ZC3H14: variants seen among roughly 807,000 people sequenced by gnomAD.
ZC3H14 encodes zinc finger CCCH domain-containing protein 14.
Under a neutral mutation model 92.4 loss-of-function variants are expected in ZC3H14, and 31 were observed. The ratio of observed to expected loss-of-function variants is 0.34; its 90% CI spans 0.25 to 0.45. ZC3H14 has a LOEUF of 0.45. Ranked by LOEUF, ZC3H14 falls within the 20% of genes least tolerant of loss-of-function variation. The pLI is 1.00. For missense variants in ZC3H14, 781 were observed against 897.3 expected, an observed-to-expected ratio of 0.87 and a Z score of 1.66; for synonymous variants, 321 against 300.9, an observed-to-expected ratio of 1.07 and a Z score of -0.69.
intron 9 of ZC3H14, among the ~76,000 whole-genome samples, chr14:88,593,757 T>C (rs1326305187): frequency 3.9e-5 from 6 of 151,992 alleles, no homozygotes; most frequent in Non-Finnish European, 8.8e-5. Context: ...TTCAAAACTC[T>C]TAGGGAAAAA....
Position 88,614,855 on chromosome 14 carries a change from A to C in ZC3H14, c.*3104A>C, listed in dbSNP as rs1010894475. 3 of 152,182 alleles carry C rather than the reference A, an allele frequency of 2.0e-5. No homozygotes were observed. The highest frequency in any genetic ancestry group is 2.9e-5 in the Non-Finnish European group (2 of 68,026). 9.4% of individuals were successfully genotyped at this position (152,182 alleles called of 1,614,324 possible). A position where few individuals can be genotyped will look rare whatever the true frequency, so the allele number is the denominator to read the frequency against. On this transcript the variant is annotated 3_prime_UTR_variant, in exon 17 of 17. Transcript: ENST00000251038. Reference sequence around the variant, plus strand: ...CTATGGAGTGGCACACATCTAAACAAATTTTCCCAATAGAAAAAAGGCTAT... The same window carrying C: ...CTATGGAGTGGCACACATCTAAACACATTTTCCCAATAGAAAAAAGGCTAT...
intron 9 of ZC3H14, among the ~76,000 whole-genome samples, chr14:88,580,618 A>C (rs1212238071): frequency 6.6e-6 from 1 of 152,244 alleles, no homozygotes; most frequent in Admixed American, 6.5e-5. Context: ...TTTTTATAGT[A>C]GGAATCTCCA....
At position 88,607,399 on chromosome 14, in the gene ZC3H14, G is replaced by GT. The variant is rs749839662; in HGVS notation, c.1868+37dup. The GT allele has an allele frequency of 1.4e-5, 21 of 1,485,912 alleles. No individual in the cohort carries two copies. In the East Asian group the frequency reaches 5.5e-4, roughly 39 times the overall value. The allele number at this position is 1,485,912 out of a possible 1,614,324, so 92.0% of individuals were successfully genotyped here. Reference sequence around the variant, plus strand: ...TCCCCCCATCTCACCCTGCAAGTGAGTACCATCCCCCCATCTCACCCTGCA... The same window carrying GT: ...TCCCCCCATCTCACCCTGCAAGTGAGTTACCATCCCCCCATCTCACCCTGCA... On this transcript the variant is annotated intron_variant, in intron 13 of 16. Coordinates refer to ENST00000251038, the MANE Select transcript of ZC3H14 (RefSeq NM_024824.5).
At chr14:88,573,038 G>A in intron 6 of ZC3H14, 31 bp downstream of exon 6, 1 of 1,611,068 alleles carries the variant, frequency 6.2e-7, no homozygotes, top group South Asian at 1.1e-5. Flanking sequence ...TCTGGCTTAG[G>A]CTAAAAATCG....
At chr14:88,603,390 T>G (rs1479950088) in intron 12 of ZC3H14, among the ~76,000 whole-genome samples, 1 of 152,240 alleles carries the variant, frequency 6.6e-6, no homozygotes, top group African/African-American at 2.4e-5. Flanking sequence ...ACTGCCACTT[T>G]GCCCTTTTAT....
rs1222673285 is a variant in ZC3H14 at position 88,602,996 on chromosome 14, C to T, written c.1683C>T (p.Leu561=). 3.1e-6 allele frequency: 5 copies of T among 1,614,184 alleles called. No homozygotes were observed. Among genetic ancestry groups the T allele is most frequent in the South Asian group, 1.1e-5 (1 of 91,086 alleles). ...CAAACAAGGGACTCAGAGGTCTCCT[C>T]CACCCACAGCAGTTGCACTTGCTGA... ...AASNKGLRGL[L]HPQQLHLLSR... is the part of the protein sequence containing the mutation. The change falls in exon 12 of 17, where the codon CTC becomes CTT. Residue 561 remains leucine, a synonymous_variant. Transcript: ENST00000251038.
At position 88,613,390 on chromosome 14, in the gene ZC3H14, C is replaced by CTA. The variant is rs1449316843; in HGVS notation, c.*1641_*1642dup. On this transcript the variant is annotated 3_prime_UTR_variant, in exon 17 of 17. Transcript: ENST00000251038. ...TTTAAATATCTGGAAATACTTTTAGCTATCATTTATAAAGATAGTTTTGTT... is the reference window on the plus strand; with the variant it reads ...TTTAAATATCTGGAAATACTTTTAGCTATATCATTTATAAAGATAGTTTTGTT... 1 of 151,924 alleles carries CTA rather than the reference C, an allele frequency of 6.6e-6. No individual in the cohort carries two copies. The highest frequency in any genetic ancestry group is 1.5e-5 in the Non-Finnish European group (1 of 68,018). 9.4% of individuals were successfully genotyped at this position (151,924 alleles called of 1,614,324 possible). A position where few individuals can be genotyped will look rare whatever the true frequency, so the allele number is the denominator to read the frequency against.
At position 88,625,569 on chromosome 14, in the gene ZC3H14, T is replaced by C. The variant is rs1484325517; in HGVS notation, c.*13818T>C. On this transcript the variant is annotated 3_prime_UTR_variant, in exon 17 of 17. Coordinates refer to ENST00000251038, the MANE Select transcript of ZC3H14 (RefSeq NM_024824.5). ...AGCGCCAGCCACCACGCCCGGCTAA[T>C]TTTTGTATTTTTAGTAGAGACAGAG... The C allele has an allele frequency of 1.3e-4, 21 of 155,984 alleles. No individual in the cohort carries two copies. The highest frequency in any genetic ancestry group is 1.3e-3 in the Admixed American group (21 of 15,720). 9.7% of individuals were successfully genotyped at this position (155,984 alleles called of 1,614,324 possible).
Position 88,622,098 on chromosome 14 carries a change from T to A in ZC3H14, c.*10347T>A. On this transcript the variant is annotated 3_prime_UTR_variant, in exon 17 of 17. Transcript: ENST00000251038. Reference sequence around the variant, plus strand: ...TCCACCTCTGTGGGATCAACTTTTTTAGTTTCTGCACAGGAGTGAGAACAT... The same window carrying A: ...TCCACCTCTGTGGGATCAACTTTTTAAGTTTCTGCACAGGAGTGAGAACAT... The A allele has an allele frequency of 4.0e-6, 1 of 248,306 alleles. No homozygotes were observed. Among genetic ancestry groups the A allele is most frequent in the Non-Finnish European group, 8.5e-6 (1 of 118,108 alleles). The allele number at this position is 248,306 out of a possible 1,614,324, so 15.4% of individuals were successfully genotyped here.
At chr14:88,609,904 T>G in intron 15 of ZC3H14, 101 bp downstream of exon 15, 2 of 1,266,830 alleles carry the variant, frequency 1.6e-6, no homozygotes, top group Non-Finnish European at 2.3e-6. Flanking sequence ...CAAAAGTAAT[T>G]GCGATTTTTG....
chr14:88,592,975 T>TG (rs1177645541), intron 9 of ZC3H14, among the ~76,000 whole-genome samples: 3 of 151,056 alleles, frequency 2.0e-5, no homozygotes, highest in Non-Finnish European at 4.4e-5. Flanking sequence ...ACTATTCTTT[T>TG]TTTTTTTTTT....
At chr14:88,577,470 T>C (rs1413288847) in intron 8 of ZC3H14, among the ~76,000 whole-genome samples, 1 of 152,234 alleles carries the variant, frequency 6.6e-6, no homozygotes, top group African/African-American at 2.4e-5. Flanking sequence ...TGTTTACATA[T>C]GTTTGGATAA....
At position 88,624,867 on chromosome 14, in the gene ZC3H14, G is replaced by C; in HGVS notation, c.*13116G>C. 7.8e-7 allele frequency: 1 copy of C among 1,284,994 alleles called. No homozygotes were observed. The highest frequency in any genetic ancestry group is 1.6e-5 in the South Asian group (1 of 64,502). 79.6% of individuals were successfully genotyped at this position (1,284,994 alleles called of 1,614,324 possible). A position where few individuals can be genotyped will look rare whatever the true frequency, so the allele number is the denominator to read the frequency against. ...GAGAAGCATATGAGGAGGAAGGTCGGAGAGGACACTCTGTGTAGCCTAGAA... is the reference window on the plus strand; with the variant it reads ...GAGAAGCATATGAGGAGGAAGGTCGCAGAGGACACTCTGTGTAGCCTAGAA... On this transcript the variant is annotated 3_prime_UTR_variant, in exon 17 of 17. Transcript: ENST00000251038.
chr14:88,611,954 TTTG>T lies in ZC3H14; in HGVS notation c.*206_*208del. 3 of 698,518 alleles carry T rather than the reference TTTG, an allele frequency of 4.3e-6. No individual in the cohort carries two copies. Among genetic ancestry groups the T allele is most frequent in the Non-Finnish European group, 7.1e-6 (3 of 424,520 alleles). The allele number at this position is 698,518 out of a possible 1,614,324, so 43.3% of individuals were successfully genotyped here. A position where few individuals can be genotyped will look rare whatever the true frequency, so the allele number is the denominator to read the frequency against. On this transcript the variant is annotated 3_prime_UTR_variant, in exon 17 of 17. Coordinates refer to ENST00000251038, the MANE Select transcript of ZC3H14 (RefSeq NM_024824.5). ...TGGTTTTAACATTGGGTGTTTTTGT[TTTG>T]TTTTTACTATGAAAAGACAGCTTAA... is the stretch of plus-strand genomic sequence containing the variant.
chr14:88,627,579 A>C lies in ZC3H14; in HGVS notation c.*15828A>C. 1 of 1,468,182 alleles carries C rather than the reference A, an allele frequency of 6.8e-7. No individual in the cohort carries two copies. The highest frequency in any genetic ancestry group is 2.3e-5 in the Admixed American group (1 of 43,800). The allele number at this position is 1,468,182 out of a possible 1,614,324, so 90.9% of individuals were successfully genotyped here. A position where few individuals can be genotyped will look rare whatever the true frequency, so the allele number is the denominator to read the frequency against. ...ACCACCAACTTTAAGACAAATATTA[A>C]ATACAGAATTCCTACTACCTTTGTA... is the stretch of plus-strand genomic sequence containing the variant. On this transcript the variant is annotated 3_prime_UTR_variant, in exon 17 of 17. Transcript: ENST00000251038.
Position 88,602,819 on chromosome 14 carries a change from G to C in ZC3H14, c.1515-9G>C, listed in dbSNP as rs375681514. 2 of 1,613,640 alleles carry C rather than the reference G, an allele frequency of 1.2e-6. No homozygotes were observed. Among genetic ancestry groups the C allele is most frequent in the East Asian group, 2.2e-5 (1 of 44,872 alleles). On this transcript the variant is annotated splice_polypyrimidine_tract_variant and intron_variant, in intron 11 of 16. Coordinates refer to ENST00000251038, the MANE Select transcript of ZC3H14 (RefSeq NM_024824.5). The stretch of plus-strand genomic sequence containing the variant: ...CCTAATTCTATGGTATTTTTTATCT[G>C]TCTGGCAGAGATCTTGTACAACCAG...
At chr14:88,567,922 T>G in intron 2 of ZC3H14, 117 bp from the exon 3 acceptor site, 1 of 820,132 alleles carries the variant, frequency 1.2e-6, no homozygotes, top group Non-Finnish European at 2.1e-6. Flanking sequence ...CCAATGTAAT[T>G]CCAGTAGAGC....
At chr14:88,579,037 T>A (rs2081553545) in intron 9 of ZC3H14, among the ~76,000 whole-genome samples, 1 of 152,096 alleles carries the variant, frequency 6.6e-6, no homozygotes, top group African/African-American at 2.4e-5. Context: ...AGGATTCTTT[T>A]TTCTTCTGTT....
Position 88,625,378 on chromosome 14 carries a change from C to A in ZC3H14, c.*13627C>A. 2.4e-6 allele frequency: 1 copy of A among 414,184 alleles called. No individual in the cohort carries two copies. The highest frequency in any genetic ancestry group is 3.8e-5 in the South Asian group (1 of 26,198). The allele number at this position is 414,184 out of a possible 1,614,324, so 25.7% of individuals were successfully genotyped here. ...CTTAGACAATTCTTCCCTTCCAATTCTAACATACTATAATTCTAGGGTTTA... is the reference window on the plus strand; with the variant it reads ...CTTAGACAATTCTTCCCTTCCAATTATAACATACTATAATTCTAGGGTTTA... On this transcript the variant is annotated 3_prime_UTR_variant, in exon 17 of 17. Coordinates refer to ENST00000251038, the MANE Select transcript of ZC3H14 (RefSeq NM_024824.5).
Sources: gnomAD v4.1 joint callset for allele counts (sites outside exome capture counted in the v4.1 genomes callset) on GRCh38, gnomAD v4.1.1 for gene constraint, MANE v1.5 for transcripts, NCBI Gene and HGNC (gene_info 2026-07-23, HGNC 2026-07-21) for gene names.